The following GALNTL6 variants were observed in gnomAD, a reference collection of about 807,000 sequenced individuals.
GALNTL6 encodes polypeptide N-acetylgalactosaminyltransferase like 6.
A neutral mutation model predicts 73.7 loss-of-function variants in GALNTL6; 46 were observed. The observed-to-expected ratio is 0.62, with a 90% CI of 0.49 to 0.80. The LOEUF (loss-of-function observed/expected upper bound fraction) is 0.80, where lower values mean the gene tolerates loss of function less well. Among genes scored for constraint, GALNTL6 ranks in the 30% least tolerant of loss-of-function variants. GALNTL6 has a pLI of 0.00. For missense variants in GALNTL6, 604 were observed against 755.0 expected (o/e 0.80, Z 2.34); for synonymous variants, 259 against 263.7 (o/e 0.98, Z 0.17).
intron 5 of GALNTL6, among the ~76,000 whole-genome samples, chr4:172,522,589 G>C (rs1263262228): frequency 6.6e-6 from 1 of 150,946 alleles, no homozygotes; most frequent in Admixed American, 6.6e-5. Flanking sequence ...AGAATCGCTT[G>C]AACCCAGGAG....
At chr4:172,657,557 A>G (rs923891285) in intron 5 of GALNTL6, among the ~76,000 whole-genome samples, 4 of 152,240 alleles carry the variant, frequency 2.6e-5, no homozygotes, top group Non-Finnish European at 4.4e-5. Flanking sequence ...AGAATTAGAT[A>G]GAATTTTTTA....
At chr4:172,406,863 C>T (rs1744256352) in intron 5 of GALNTL6, among the ~76,000 whole-genome samples, 1 of 151,914 alleles carries the variant, frequency 6.6e-6, no homozygotes, top group South Asian at 2.1e-4. Flanking sequence ...TTCATAGTTT[C>T]AATAATTCAA....
chr4:172,102,262 G>A (rs1468430138), intron 2 of GALNTL6, among the ~76,000 whole-genome samples: 1 of 152,146 alleles, frequency 6.6e-6, no homozygotes, highest in Non-Finnish European at 1.5e-5. Flanking sequence ...GCTTCTCAAT[G>A]CTACAGACGC....
intron 2 of GALNTL6, among the ~76,000 whole-genome samples, chr4:171,856,304 G>T (rs1187379859): frequency 6.6e-6 from 1 of 151,234 alleles, no homozygotes; most frequent in South Asian, 2.1e-4. Context: ...AATTAGAGAC[G>T]GGGTTTTGCC....
chr4:172,516,042 G>C (rs1734595867), intron 5 of GALNTL6, among the ~76,000 whole-genome samples: 1 of 152,124 alleles, frequency 6.6e-6, no homozygotes, highest in South Asian at 2.1e-4. Context: ...AATTCATGAG[G>C]ACAAATATTT....
At chr4:173,023,640 C>T (rs777901159) in intron 12 of GALNTL6, among the ~76,000 whole-genome samples, 3 of 151,480 alleles carry the variant, frequency 2.0e-5, no homozygotes, top group Non-Finnish European at 2.9e-5. Flanking sequence ...CCAGCCTGGG[C>T]GACAAGAGCG....
At chr4:172,445,605 A>G (rs959300097) in intron 5 of GALNTL6, among the ~76,000 whole-genome samples, 15 of 152,170 alleles carry the variant, frequency 9.9e-5, no homozygotes, top group African/African-American at 3.6e-4. Context: ...TGAGCCTTCT[A>G]TTTGGAAGAT....
chr4:172,446,763 CAT>C (rs1732036413), intron 5 of GALNTL6, among the ~76,000 whole-genome samples: 1 of 152,120 alleles, frequency 6.6e-6, no homozygotes, highest in Non-Finnish European at 1.5e-5. Context: ...CAGCAACACT[CAT>C]AGCCTTCATC....
chr4:172,201,869 G>A (rs1257098479), intron 2 of GALNTL6, among the ~76,000 whole-genome samples: 2 of 152,122 alleles, frequency 1.3e-5, no homozygotes, highest in East Asian at 1.9e-4. Flanking sequence ...CAGAAACAGA[G>A]GGGTATGGTA....
At chr4:172,970,128 A>G (rs1047129795) in intron 10 of GALNTL6, among the ~76,000 whole-genome samples, 1 of 152,200 alleles carries the variant, frequency 6.6e-6, no homozygotes, top group Non-Finnish European at 1.5e-5. Flanking sequence ...AAGGAGAACA[A>G]AGTTCACATG....
At chr4:172,147,695 CA>C (rs1733963900) in intron 2 of GALNTL6, among the ~76,000 whole-genome samples, 3 of 152,046 alleles carry the variant, frequency 2.0e-5, no homozygotes, top group Non-Finnish European at 1.5e-5. Context: ...ATAGAATAGA[CA>C]GTAAAAAAAT....
At chr4:171,865,661 T>C (rs1427171716) in intron 2 of GALNTL6, among the ~76,000 whole-genome samples, 1 of 152,202 alleles carries the variant, frequency 6.6e-6, no homozygotes, top group Non-Finnish European at 1.5e-5. Flanking sequence ...CACATAAATA[T>C]GGATTGTGTC....
chr4:172,798,348 A>G (rs1740399899), intron 5 of GALNTL6, among the ~76,000 whole-genome samples: 1 of 152,148 alleles, frequency 6.6e-6, no homozygotes. Context: ...TGGATTTTTC[A>G]TGAATGGTTT....
chr4:172,861,981 G>A (rs1342803436), intron 7 of GALNTL6, among the ~76,000 whole-genome samples: 2 of 152,222 alleles, frequency 1.3e-5, no homozygotes, highest in African/African-American at 4.8e-5. Flanking sequence ...GGGTGCTTCT[G>A]AAAAGAGGCC....
intron 2 of GALNTL6, among the ~76,000 whole-genome samples, chr4:171,919,482 G>A (rs142709236): frequency 2.0e-5 from 3 of 152,118 alleles, no homozygotes; most frequent in African/African-American, 2.4e-5. Flanking sequence ...GAGCTAGAGC[G>A]GGTCCCAATA....
At chr4:172,350,281 A>T (rs1741897717) in intron 5 of GALNTL6, among the ~76,000 whole-genome samples, 1 of 152,178 alleles carries the variant, frequency 6.6e-6, no homozygotes, top group Admixed American at 6.5e-5. Flanking sequence ...GGTAGCAGAA[A>T]ATTATGGTTT....
At chr4:172,371,100 C>T (rs1742791774) in intron 5 of GALNTL6, among the ~76,000 whole-genome samples, 1 of 152,204 alleles carries the variant, frequency 6.6e-6, no homozygotes, top group Non-Finnish European at 1.5e-5. Flanking sequence ...TGGCTCAGTG[C>T]AAACAGCTCA....
At chr4:171,843,208 C>G (rs1051740318) in intron 2 of GALNTL6, among the ~76,000 whole-genome samples, 2 of 152,088 alleles carry the variant, frequency 1.3e-5, no homozygotes, top group Non-Finnish European at 2.9e-5. Context: ...GCAGGACACA[C>G]TTTATGATAC....
At chr4:172,002,774 G>A (rs1354344707) in intron 2 of GALNTL6, among the ~76,000 whole-genome samples, 1 of 152,138 alleles carries the variant, frequency 6.6e-6, no homozygotes, top group African/African-American at 2.4e-5. Flanking sequence ...CTTGAGGGAA[G>A]AACATACTTT....
Sources: gnomAD v4.1 joint callset for allele counts (sites outside exome capture counted in the v4.1 genomes callset) on GRCh38, gnomAD v4.1.1 for gene constraint, MANE v1.5 for transcripts, NCBI Gene and HGNC (gene_info 2026-07-23, HGNC 2026-07-21) for gene names.